Variants in ERC2 observed in about 807,000 individuals in gnomAD.
ERC2 encodes ELKS/RAB6-interacting/CAST family member 2.
Under a neutral mutation model 114.8 loss-of-function variants are expected in ERC2, and 42 were observed. The ratio of observed to expected loss-of-function variants is 0.37; its 90% CI spans 0.29 to 0.47. ERC2 has a LOEUF of 0.47. Ranked by LOEUF, ERC2 falls within the 20% of genes least tolerant of loss-of-function variation. ERC2 has a pLI of 0.99. For missense variants in ERC2, 939 were observed against 1,150.7 expected (o/e 0.82, Z 2.66); for synonymous variants, 454 against 425.5 (o/e 1.07, Z -0.82).
chr3:56,207,961 A>G (rs1412735706), intron 3 of ERC2, among the ~76,000 whole-genome samples: 1 of 152,226 alleles, frequency 6.6e-6, no homozygotes, highest in Non-Finnish European at 1.5e-5. Context: ...AAGAAAAGAC[A>G]GTAAAACATT....
At chr3:55,904,354 T>C (rs1466428801) in intron 13 of ERC2, among the ~76,000 whole-genome samples, 1 of 152,082 alleles carries the variant, frequency 6.6e-6, no homozygotes, top group Non-Finnish European at 1.5e-5. Context: ...TAAAGCAAAA[T>C]CAAGATGCCC....
At chr3:56,252,396 C>T (rs1250800250) in intron 3 of ERC2, among the ~76,000 whole-genome samples, 1 of 152,130 alleles carries the variant, frequency 6.6e-6, no homozygotes, top group African/African-American at 2.4e-5. Flanking sequence ...AGGACAACCA[C>T]AATATCTAGC....
intron 17 of ERC2, among the ~76,000 whole-genome samples, chr3:55,560,876 G>A (rs2055967185): frequency 6.6e-6 from 1 of 152,148 alleles, no homozygotes; most frequent in Admixed American, 6.5e-5. Flanking sequence ...AACCCACTGT[G>A]GTGGCAGAAT....
intron 14 of ERC2, among the ~76,000 whole-genome samples, chr3:55,743,163 G>A (rs1015904046): frequency 1.3e-5 from 2 of 152,128 alleles, no homozygotes; most frequent in Non-Finnish European, 2.9e-5. Flanking sequence ...TTCCTAACAC[G>A]GGGGCCATGG....
chr3:56,467,198 C>T (rs754597416), intron 1 of ERC2: 18 of 152,258 alleles, frequency 1.2e-4, no homozygotes, highest in Non-Finnish European at 2.4e-4. Context: ...AGGAAACTAA[C>T]CATGACAAGT....
At chr3:56,212,352 A>G (rs2049118648) in intron 3 of ERC2, among the ~76,000 whole-genome samples, 4 of 152,218 alleles carry the variant, frequency 2.6e-5, no homozygotes, top group Non-Finnish European at 5.9e-5. Flanking sequence ...ACATGAAAAA[A>G]ATTCTCAATA....
At chr3:56,151,819 G>A (rs2081427784) in intron 4 of ERC2, among the ~76,000 whole-genome samples, 2 of 152,066 alleles carry the variant, frequency 1.3e-5, no homozygotes, top group African/African-American at 2.4e-5. Flanking sequence ...AACTCGACGC[G>A]CTAATCTGGA....
intron 14 of ERC2, among the ~76,000 whole-genome samples, chr3:55,792,010 T>C (rs1319318136): frequency 1.3e-5 from 2 of 152,200 alleles, no homozygotes; most frequent in African/African-American, 2.4e-5. Context: ...GTGTATCTTA[T>C]GTATTCATGC....
intron 13 of ERC2, among the ~76,000 whole-genome samples, chr3:55,944,584 A>T (rs893455598): frequency 6.6e-6 from 1 of 152,232 alleles, no homozygotes; most frequent in Non-Finnish European, 1.5e-5. Flanking sequence ...ACACGATTGC[A>T]CTTGGCTTCT....
intron 6 of ERC2, among the ~76,000 whole-genome samples, chr3:56,097,562 T>C (rs1485379957): frequency 6.6e-6 from 1 of 152,176 alleles, no homozygotes; most frequent in Admixed American, 6.5e-5. Context: ...ATTGTATTAC[T>C]CTTGAGGCAG....
intron 16 of ERC2, among the ~76,000 whole-genome samples, 156 bp downstream of exon 16, chr3:55,699,222 T>A (rs1264305342): frequency 1.3e-5 from 2 of 152,190 alleles, no homozygotes; most frequent in African/African-American, 4.8e-5. Flanking sequence ...AACATTTAGA[T>A]TCCTTGACTG....
intron 3 of ERC2, among the ~76,000 whole-genome samples, chr3:56,191,112 C>A (rs960330978): frequency 2.6e-5 from 4 of 152,138 alleles, no homozygotes; most frequent in African/African-American, 9.7e-5. Context: ...CAGAAGGGCA[C>A]AGGTGGAGTT....
chr3:56,418,262 C>T (rs955718953), intron 2 of ERC2, among the ~76,000 whole-genome samples: 11 of 150,936 alleles, frequency 7.3e-5, no homozygotes, highest in African/African-American at 2.7e-4. Context: ...TGCCACTGCA[C>T]CCCAGCCTGG....
At chr3:55,589,780 C>T (rs2057784129) in intron 17 of ERC2, among the ~76,000 whole-genome samples, 1 of 152,048 alleles carries the variant, frequency 6.6e-6, no homozygotes, top group African/African-American at 2.4e-5. Context: ...AGGCAAGCCT[C>T]ATTAGTCAGG....
intron 8 of ERC2, among the ~76,000 whole-genome samples, chr3:56,017,809 G>A (rs936520832): frequency 7.2e-5 from 11 of 152,076 alleles, no homozygotes; most frequent in African/African-American, 2.7e-4. Context: ...TTAGAGCCAG[G>A]ATTTTCACCC....
At chr3:56,070,098 A>G (rs1175937004) in intron 7 of ERC2, among the ~76,000 whole-genome samples, 1 of 152,234 alleles carries the variant, frequency 6.6e-6, no homozygotes, top group African/African-American at 2.4e-5. Context: ...CTTCCCTTAC[A>G]ATATAACATG....
chr3:56,094,880 G>A (rs1448558471), intron 6 of ERC2, among the ~76,000 whole-genome samples: 6 of 152,256 alleles, frequency 3.9e-5, no homozygotes, highest in Admixed American at 1.3e-4. Context: ...TAATAACAGT[G>A]AAACTTTACC....
chr3:56,072,841 A>G (rs564525096), intron 7 of ERC2, among the ~76,000 whole-genome samples: 3 of 152,288 alleles, frequency 2.0e-5, no homozygotes, highest in South Asian at 2.1e-4. Flanking sequence ...TTCTGTCTCA[A>G]TCAGATGCTT....
chr3:55,901,023 T>TA (rs2064107741), intron 13 of ERC2, among the ~76,000 whole-genome samples: 1 of 152,144 alleles, frequency 6.6e-6, no homozygotes, highest in African/African-American at 2.4e-5. Flanking sequence ...GAGGGGACTC[T>TA]ACTGAGAGGC....
Sources: gnomAD v4.1 joint callset for allele counts (sites outside exome capture counted in the v4.1 genomes callset) on GRCh38, gnomAD v4.1.1 for gene constraint, MANE v1.5 for transcripts, NCBI Gene and HGNC (gene_info 2026-07-23, HGNC 2026-07-21) for gene names.